The following IMMP2L variants were observed in gnomAD, a reference collection of about 807,000 sequenced individuals.
IMMP2L encodes the protein mitochondrial inner membrane protease subunit 2.
In IMMP2L, 18 loss-of-function variants were observed where a neutral mutation model predicts 19.3. That is an observed-to-expected ratio of 0.93 (90% CI 0.64 to 1.38). The LOEUF (loss-of-function observed/expected upper bound fraction) is 1.38, where lower values mean the gene tolerates loss of function less well. IMMP2L is among the 40% of genes most tolerant of loss of function. The pLI is 0.00. For missense variants in IMMP2L, 233 were observed against 218.2 expected (o/e 1.07, Z -0.43); for synonymous variants, 76 against 73.0 (o/e 1.04, Z -0.21).
chr7:111,522,557 C>T (rs544675012), intron 1 of IMMP2L, among the ~76,000 whole-genome samples: 4 of 152,030 alleles, frequency 2.6e-5, no homozygotes, highest in African/African-American at 4.8e-5. Flanking sequence ...GAAAAGAATG[C>T]GCAGTCATGA....
At chr7:111,463,292 C>T (rs942810373) in intron 3 of IMMP2L, among the ~76,000 whole-genome samples, 2 of 151,918 alleles carry the variant, frequency 1.3e-5, no homozygotes, top group African/African-American at 4.8e-5. Context: ...CTGTAAAGAC[C>T]CAGATCTTCA....
intron 3 of IMMP2L, among the ~76,000 whole-genome samples, chr7:111,239,136 T>A (rs1814693261): frequency 6.6e-6 from 1 of 151,886 alleles, no homozygotes; most frequent in Non-Finnish European, 1.5e-5. Flanking sequence ...TAATTCCAGG[T>A]CTCTGTCAAT....
intron 5 of IMMP2L, among the ~76,000 whole-genome samples, chr7:110,715,619 C>T (rs2396268): frequency 0.21 from 31,707 of 152,012 alleles, 3,516 homozygotes; most frequent in Admixed American, 0.26. Context: ...TATTCCACTA[C>T]GGTCTGAGAG....
In IMMP2L at chr7:111,465,348, T is replaced by C. The variant is rs537441694; in HGVS notation, c.239+21890A>G. Among the ~76,000 whole-genome samples, 12 of 151,526 alleles carry C rather than the reference T, an allele frequency of 7.9e-5. No individual in the cohort carries two copies. The East Asian group carries it at 2.3e-3, about 30-fold the overall frequency. ...CTACACTCCCACTCACTTCCTGGGG[T>C]CTATTCCGGCTTTTAAAAGACAGTT... On this transcript the variant is annotated intron_variant, in intron 3 of 5. Transcript: ENST00000405709.
intron 4 of IMMP2L, among the ~76,000 whole-genome samples, chr7:110,956,998 C>T (rs1172238099): frequency 3.3e-5 from 5 of 151,894 alleles, no homozygotes; most frequent in Admixed American, 2.6e-4. Flanking sequence ...AATAATATTT[C>T]GGTGGAACTA....
At chr7:110,794,612 C>T (rs970415914) in intron 5 of IMMP2L, among the ~76,000 whole-genome samples, 18 of 151,984 alleles carry the variant, frequency 1.2e-4, no homozygotes, top group African/African-American at 3.9e-4. Context: ...GACAAAACAT[C>T]ATCACAAAAC....
intron 1 of IMMP2L, among the ~76,000 whole-genome samples, chr7:111,524,562 C>T (rs1368401003): frequency 3.3e-5 from 5 of 152,070 alleles, no homozygotes; most frequent in African/African-American, 1.2e-4. Flanking sequence ...CTCAGACCTC[C>T]AAAATCAAAC....
intron 3 of IMMP2L, chr7:111,124,496 T>C (rs1160323285): frequency 6.2e-6 from 10 of 1,613,828 alleles, no homozygotes; most frequent in Non-Finnish European, 8.5e-6. Context: ...CCATCTGATG[T>C]CAAGGTATAT....
chr7:111,090,870 T>C (rs1796787101), intron 3 of IMMP2L: 1 of 152,164 alleles, frequency 6.6e-6, no homozygotes, highest in African/African-American at 2.4e-5. Context: ...TAACCTAAAA[T>C]TGAGAAAACT....
intron 3 of IMMP2L, among the ~76,000 whole-genome samples, chr7:111,131,202 T>C (rs746896247): frequency 1.6e-4 from 24 of 151,116 alleles, no homozygotes; most frequent in Admixed American, 7.9e-4. Context: ...CACAAATCAA[T>C]AGGAATTAAG....
At chr7:110,975,477 C>G (rs1820595561) in intron 3 of IMMP2L, among the ~76,000 whole-genome samples, 1 of 152,106 alleles carries the variant, frequency 6.6e-6, no homozygotes, top group African/African-American at 2.4e-5. Flanking sequence ...TTCATTTCAC[C>G]TCCACCTTTC....
At chr7:111,083,670 A>G (rs1796070885) in intron 3 of IMMP2L, among the ~76,000 whole-genome samples, 1 of 152,206 alleles carries the variant, frequency 6.6e-6, no homozygotes, top group Non-Finnish European at 1.5e-5. Flanking sequence ...TTCTGTGAAA[A>G]GGGGAAAGTC....
chr7:111,432,322 T>C (rs1836716928), intron 3 of IMMP2L, among the ~76,000 whole-genome samples: 1 of 151,718 alleles, frequency 6.6e-6, no homozygotes, highest in Non-Finnish European at 1.5e-5. Flanking sequence ...GAGAGAGTTT[T>C]CCTTAAACAA....
chr7:111,068,580 A>G (rs2129575121), intron 3 of IMMP2L, among the ~76,000 whole-genome samples: 1 of 152,316 alleles, frequency 6.6e-6, no homozygotes, highest in Non-Finnish European at 1.5e-5. Flanking sequence ...AACAAAAGAA[A>G]TGCTTTCAAG....
At chr7:110,680,414 T>C (rs919828910) in intron 5 of IMMP2L, among the ~76,000 whole-genome samples, 10 of 152,166 alleles carry the variant, frequency 6.6e-5, no homozygotes, top group Non-Finnish European at 1.5e-5. Flanking sequence ...TGGTCAGAGC[T>C]ATAACTGCCG....
chr7:110,986,127 C>T (rs1343854021), intron 3 of IMMP2L, among the ~76,000 whole-genome samples: 9 of 152,104 alleles, frequency 5.9e-5, no homozygotes, highest in Admixed American at 5.2e-4. Flanking sequence ...CAAGTTGTTG[C>T]CACCTGGCTC....
intron 3 of IMMP2L, among the ~76,000 whole-genome samples, chr7:110,976,704 G>A (rs1820733531): frequency 6.6e-6 from 1 of 151,936 alleles, no homozygotes; most frequent in Admixed American, 6.6e-5. Flanking sequence ...ATTTGAACAA[G>A]CACCTAGGTG....
At position 111,451,262 on chromosome 7, in the gene IMMP2L, C is replaced by T. The variant is rs1158568536; in HGVS notation, c.239+35976G>A. Among the ~76,000 whole-genome samples the T allele has an allele frequency of 1.3e-3, 200 of 148,658 alleles. 1 individual carries two copies. Among genetic ancestry groups the T allele is most frequent in the Non-Finnish European group, 1.8e-3 (122 of 67,470 alleles). The stretch of plus-strand genomic sequence containing the variant: ...ATGCTGCTATAAAGACACATGCACA[C>T]GTATGTTTATTGCGGCATTATTCAC... On this transcript the variant is annotated intron_variant, in intron 3 of 5. Transcript: ENST00000405709.
intron 3 of IMMP2L, among the ~76,000 whole-genome samples, chr7:111,279,503 A>G (rs1202295823): frequency 6.6e-6 from 1 of 152,142 alleles, no homozygotes; most frequent in Non-Finnish European, 1.5e-5. Flanking sequence ...CTAAAAAGCT[A>G]TTTCTACTAG....
Sources: gnomAD v4.1 joint callset for allele counts (sites outside exome capture counted in the v4.1 genomes callset) on GRCh38, gnomAD v4.1.1 for gene constraint, MANE v1.5 for transcripts, NCBI Gene and HGNC (gene_info 2026-07-23, HGNC 2026-07-21) for gene names.